The following DNAH5 variants were observed in gnomAD, a reference collection of about 807,000 sequenced individuals.
The protein encoded by DNAH5 is axonemal beta dynein heavy chain 5.
Under a neutral mutation model 518.2 loss-of-function variants are expected in DNAH5, and 372 were observed. That is an observed-to-expected ratio of 0.72 (90% CI 0.66 to 0.78). DNAH5 has a LOEUF of 0.78. Among genes scored for constraint, DNAH5 ranks in the 30% least tolerant of loss-of-function variants. The probability of loss-of-function intolerance (pLI) is 0.00; values close to 1 mark genes in which losing one functional copy is unlikely to be tolerated. For missense variants in DNAH5, 5,523 were observed against 5,687.0 expected, an observed-to-expected ratio of 0.97 and a Z score of 0.93; for synonymous variants, 2,039 against 2,025.9, an observed-to-expected ratio of 1.01 and a Z score of -0.17.
intron 47 of DNAH5, among the ~76,000 whole-genome samples, chr5:13,796,301 C>T (rs1041998067): frequency 2.6e-5 from 4 of 152,164 alleles, no homozygotes; most frequent in African/African-American, 9.7e-5. Flanking sequence ...TTAGAAAACA[C>T]CATTGTCTCA....
In DNAH5 at chr5:13,729,462, G is replaced by A; in HGVS notation, c.11860C>T (p.Gln3954Ter). ...ACCTGGTCAAGGACATCTGAAAACT[G>A]TCTGAGTTTGCTAAGTTCCACCAAA... ...LNLVELSKLR[Q>*]FSDVLDQISR... Residue 3954 changes from glutamine (Q) to a stop codon, truncating the protein, a stop_gained, in exon 69 of 79, where the codon CAG becomes TAG. Coordinates refer to ENST00000265104, the MANE Select transcript of DNAH5 (RefSeq NM_001369.3). LOFTEE classifies it high-confidence loss of function. 9 of 1,614,004 alleles carry A rather than the reference G, an allele frequency of 5.6e-6. No individual in the cohort carries two copies. Among genetic ancestry groups the A allele is most frequent in the Non-Finnish European group, 6.8e-6 (8 of 1,179,906 alleles).
chr5:13,824,888 T>C (rs907011631), intron 38 of DNAH5, among the ~76,000 whole-genome samples: 1 of 152,168 alleles, frequency 6.6e-6, no homozygotes, highest in African/African-American at 2.4e-5. Context: ...TTACTAAATA[T>C]TTACAAAAGC....
chr5:13,902,515 A>C (rs1774771648), intron 12 of DNAH5, among the ~76,000 whole-genome samples: 1 of 152,202 alleles, frequency 6.6e-6, no homozygotes, highest in East Asian at 1.9e-4. Context: ...GAATTGATTC[A>C]CAAGTTGGGA....
rs1288839892 is a variant in DNAH5 at position 13,919,225 on chromosome 5, A to G, written c.926T>C (p.Val309Ala). 1 of 1,613,980 alleles carries G rather than the reference A, an allele frequency of 6.2e-7. No homozygotes were observed. The highest frequency in any genetic ancestry group is 1.3e-5 in the African/African-American group (1 of 74,920). ...CGCAAGCACTGCCAGCACAGCCTTC[A>G]CATCCGGGCTTTTCAATTGTTCCAA... ...YLLEQLKSPDVKAVLAVLAAA... is the reference protein window; with the variant it reads ...YLLEQLKSPDAKAVLAVLAAA... Residue 309 changes from valine to alanine, a missense_variant, in exon 7 of 79, where the codon GTG (valine) becomes GCG (alanine). Physicochemically the swap from Val to Ala is moderately conservative, Grantham distance 64. This residue lies in a region of DNAH5 where 5,121 missense variants were observed against 5,223.3 expected (regional missense o/e 0.98). Coordinates refer to ENST00000265104, the MANE Select transcript of DNAH5 (RefSeq NM_001369.3).
chr5:13,979,921 CCT>C (rs1433946171), intron 1 of DNAH5, among the ~76,000 whole-genome samples: 2 of 148,778 alleles, frequency 1.3e-5, no homozygotes, highest in African/African-American at 5.0e-5. Flanking sequence ...CTCACTGCAA[CCT>C]CCGCCTCCTT....
Position 13,707,821 on chromosome 5 carries a change from C to A in DNAH5, c.13338+302G>T, listed in dbSNP as rs1392237236. Among the ~76,000 whole-genome samples, 1 of 151,994 alleles carries A rather than the reference C, an allele frequency of 6.6e-6. No homozygotes were observed. Among genetic ancestry groups the A allele is most frequent in the Non-Finnish European group, 1.5e-5 (1 of 68,022 alleles). ...TTCTTGGACTACTTAGATGTGTAATCTGAGAAAAGACTTAACCTGTCCCAA... is the reference window on the plus strand; with the variant it reads ...TTCTTGGACTACTTAGATGTGTAATATGAGAAAAGACTTAACCTGTCCCAA... On this transcript the variant is annotated intron_variant, in intron 76 of 78. Coordinates refer to ENST00000265104, the MANE Select transcript of DNAH5 (RefSeq NM_001369.3). The surrounding 1 kb of genome is among the most constrained non-coding windows in gnomAD (Gnocchi z 4.0).
chr5:13,763,381 C>T (rs1752041137), intron 59 of DNAH5, among the ~76,000 whole-genome samples: 1 of 152,162 alleles, frequency 6.6e-6, no homozygotes, highest in Admixed American at 6.5e-5. Flanking sequence ...TTTTATTAAA[C>T]TCACCTAAAA....
At position 13,805,490 on chromosome 5, in the gene DNAH5, C is replaced by A. The variant is rs557286609; in HGVS notation, c.7887+2101G>T. Among the ~76,000 whole-genome samples, 14 of 151,864 alleles carry A rather than the reference C, an allele frequency of 9.2e-5. No individual in the cohort carries two copies. In the South Asian group the frequency reaches 2.9e-3, roughly 32 times the overall value. On this transcript the variant is annotated intron_variant, in intron 47 of 78. Coordinates refer to ENST00000265104, the MANE Select transcript of DNAH5 (RefSeq NM_001369.3). ...TCCAGCCTGGTGACAGAGCGAGGCT[C>A]CGTTTCAAAAAAAATAAAAAGATCT...
Position 13,844,803 on chromosome 5 carries a change from G to A in DNAH5, c.5271+34C>T, listed in dbSNP as rs759896246. The A allele has an allele frequency of 3.1e-6, 5 of 1,613,970 alleles. 1 individual carries two copies. The South Asian group carries it at 5.5e-5, about 18-fold the overall frequency. On this transcript the variant is annotated intron_variant, in intron 32 of 78. Transcript: ENST00000265104. ...AAGACAGTTGAGGTTCGAAGGTACG[G>A]TGATTGTTGGCCTGCCATTAGAATT...
chr5:13,742,664 G>A (rs1748741912), intron 65 of DNAH5, among the ~76,000 whole-genome samples: 1 of 152,032 alleles, frequency 6.6e-6, no homozygotes, highest in Non-Finnish European at 1.5e-5. Flanking sequence ...GAACATTATT[G>A]AGATGGCTGT....
chr5:13,964,510 G>C (rs1385973667), intron 1 of DNAH5, among the ~76,000 whole-genome samples: 1 of 152,238 alleles, frequency 6.6e-6, no homozygotes, highest in Non-Finnish European at 1.5e-5. Flanking sequence ...CAGAGAGATC[G>C]CTCAAGGTCA....
intron 1 of DNAH5, among the ~76,000 whole-genome samples, chr5:14,010,899 T>C (rs1165620685): frequency 6.6e-6 from 1 of 151,880 alleles, no homozygotes; most frequent in East Asian, 1.9e-4. Context: ...TATATGACTA[T>C]AGTGTACCTG....
Position 14,005,554 on chromosome 5 carries a change from G to A in DNAH5, c.12+6094C>T, listed in dbSNP as rs143902568. On this transcript the variant is annotated intron_variant, in intron 1 of 78. Transcript: ENST00000681290. ...CTTGAGGGGTTAACAGACTCTGGGC[G>A]TCCTAACTTGCATCAGCTGATGAGA... Among the ~76,000 whole-genome samples the A allele has an allele frequency of 6.0e-4, 91 of 152,316 alleles. 1 individual carries two copies. Among genetic ancestry groups the A allele is most frequent in the Middle Eastern group, 6.8e-3 (2 of 294 alleles).
chr5:13,893,143 A>G (rs1773486515), intron 16 of DNAH5, among the ~76,000 whole-genome samples: 1 of 152,164 alleles, frequency 6.6e-6, no homozygotes, highest in Non-Finnish European at 1.5e-5. Context: ...TGCGGTGAAA[A>G]TCTACTGATA....
At position 13,891,073 on chromosome 5, in the gene DNAH5, C is replaced by G. The variant is rs141969815; in HGVS notation, c.2480G>C (p.Arg827Pro). ...CATTTCTTCTAGAATGGCATCAATG[C>G]GGAACTCAATCAAATCATTGACCCT... Reference protein sequence around the residue: ...LDRVNDLIEFRIDAILEEMSS... With the variant: ...LDRVNDLIEFPIDAILEEMSS... The change falls in exon 17 of 79, where the codon CGC (arginine) becomes CCC (proline). Residue 827 changes from arginine (R) to proline (P), a missense_variant. Arg to Pro is a moderately radical substitution (Grantham distance 103). Transcript: ENST00000265104. The G allele has an allele frequency of 6.2e-7, 1 of 1,614,006 alleles. No homozygotes were observed. Among genetic ancestry groups the G allele is most frequent in the South Asian group, 1.1e-5 (1 of 91,070 alleles).
chr5:13,744,778 CAA>C, intron 65 of DNAH5, among the ~76,000 whole-genome samples: 1 of 151,930 alleles, frequency 6.6e-6, no homozygotes, highest in African/African-American at 2.4e-5. Context: ...CATTTATAAC[CAA>C]AGTTTTGAAA....
At chr5:13,781,397 A>G (rs535660436) in intron 52 of DNAH5, among the ~76,000 whole-genome samples, 1 of 152,254 alleles carries the variant, frequency 6.6e-6, no homozygotes, top group South Asian at 2.1e-4. Context: ...TCCACATTTG[A>G]AAAGTGTTCA....
At chr5:13,883,874 CAG>C (rs1561501251) in intron 19 of DNAH5, among the ~76,000 whole-genome samples, 2 of 152,184 alleles carry the variant, frequency 1.3e-5, no homozygotes, top group East Asian at 3.9e-4. Context: ...AAAAATCTTT[CAG>C]AGTTTCCACT....
chr5:13,900,727 T>G (rs1774488226), intron 14 of DNAH5: 1 of 386,656 alleles, frequency 2.6e-6, no homozygotes, highest in African/African-American at 2.0e-5. Flanking sequence ...ATGCCTACTC[T>G]ATTATTCTTC....
Sources: gnomAD v4.1 joint callset for allele counts (sites outside exome capture counted in the v4.1 genomes callset) on GRCh38, gnomAD v4.1.1 for gene constraint, gnomAD v4.1.1 regional missense constraint, Gnocchi (gnomAD v3.1) non-coding constraint, MANE v1.5 for transcripts, NCBI Gene and HGNC (gene_info 2026-07-23, HGNC 2026-07-21) for gene names.